The following SYTL2 variants were observed in gnomAD, a reference collection of about 807,000 sequenced individuals.
The protein encoded by SYTL2 is synaptotagmin-like protein 2.
A neutral mutation model predicts 198.7 loss-of-function variants in SYTL2; 165 were observed. The observed-to-expected ratio is 0.83, with a 90% CI of 0.73 to 0.94. The LOEUF (loss-of-function observed/expected upper bound fraction) is 0.94. Among genes scored for constraint, SYTL2 ranks in the 40% least tolerant of loss-of-function variants. The probability of loss-of-function intolerance (pLI) is 0.00; values close to 1 mark genes in which losing one functional copy is unlikely to be tolerated. For synonymous variants in SYTL2, 966 were observed against 917.7 expected (o/e 1.05, Z -0.95); for missense variants, 2,835 against 2,582.8 (o/e 1.10, Z -2.12).
chr11:85,698,228 A>G, intron 17 of SYTL2, 150 bp from the exon 18 acceptor site: 1 of 584,504 alleles, frequency 1.7e-6, no homozygotes, highest in South Asian at 2.3e-5. Flanking sequence ...ATACAGTCTT[A>G]ACTAAGTCTT....
chr11:85,833,001 AAAAAGAAAG>A, the SYTL2 span, among the ~76,000 whole-genome samples: 125 of 100,500 alleles, frequency 1.2e-3, 4 homozygotes, highest in East Asian at 3.4e-3. Flanking sequence ...GTCTCAAAAA[AAAAAGAAAG>A]AAAAGAAAGA....
chr11:85,784,436 T>C (rs1201738438), intron 1 of SYTL2, among the ~76,000 whole-genome samples: 2 of 151,894 alleles, frequency 1.3e-5, no homozygotes, highest in African/African-American at 4.8e-5. Context: ...ATAACAGAGA[T>C]GTGAAGAAAA....
chr11:85,703,978 A>G (rs1253912013), intron 16 of SYTL2, among the ~76,000 whole-genome samples: 2 of 152,136 alleles, frequency 1.3e-5, no homozygotes, highest in East Asian at 3.8e-4. Context: ...AAAAAATGGA[A>G]TAATAATCCC....
At chr11:85,806,391 T>C (rs771617329) in intron 1 of SYTL2, among the ~76,000 whole-genome samples, 8 of 152,194 alleles carry the variant, frequency 5.3e-5, no homozygotes, top group Non-Finnish European at 1.0e-4. Context: ...AGTGCCCAAA[T>C]GGGCACTAGG....
rs757993213 is a variant in SYTL2, at chr11:85,711,214, C to T, written c.5644G>A (p.Asp1882Asn). The change falls in exon 13 of 20, where the codon GAT becomes AAT. Residue 1882 changes from aspartate (D) to asparagine (N), a missense_variant. By Grantham distance (23) the Asp-to-Asn change is conservative. Coordinates refer to ENST00000359152, the MANE Select transcript of SYTL2 (RefSeq NM_206927.4). ...TGGTAACTGCTTTCTGATGCTGTAT[C>T]TGTTTCTCTGTCATCACTCTACAAA... Reference protein sequence around the residue: ...LQDESDDRETDTASESSYQLS... With the variant: ...LQDESDDRETNTASESSYQLS... The T allele has an allele frequency of 2.5e-6, 4 of 1,614,038 alleles. No homozygotes were observed. Among genetic ancestry groups the T allele is most frequent in the Non-Finnish European group, 3.4e-6 (4 of 1,179,930 alleles).
In SYTL2 at chr11:85,772,613, C is replaced by A. The variant is rs192527476; in HGVS notation, c.-389-14499G>T. 6.6e-5 allele frequency among the ~76,000 whole-genome samples: 10 copies of A among 152,338 alleles called. No individual in the cohort carries two copies. In the East Asian group the frequency reaches 1.7e-3, roughly 26 times the overall value. ...ATGAAGGCAGAATGACCAACCATATCTAAAACTCCATTTAACATTAGATAT... is the reference window on the plus strand; with the variant it reads ...ATGAAGGCAGAATGACCAACCATATATAAAACTCCATTTAACATTAGATAT... On this transcript the variant is annotated intron_variant, in intron 1 of 19. Transcript: ENST00000359152.
chr11:85,760,184 G>T (rs1056740992), intron 1 of SYTL2, among the ~76,000 whole-genome samples: 1 of 152,140 alleles, frequency 6.6e-6, no homozygotes, highest in Non-Finnish European at 1.5e-5. Flanking sequence ...CTGGGTTCCA[G>T]AAAGAGATAA....
rs777167369 is a variant in SYTL2 at position 85,756,295 on chromosome 11, G to A, written c.101+1330C>T. On this transcript the variant is annotated intron_variant, in intron 2 of 19. Coordinates refer to ENST00000359152, the MANE Select transcript of SYTL2 (RefSeq NM_206927.4). The stretch of plus-strand genomic sequence containing the variant: ...GCACAGCAGAGCCCCATCCAGGTGT[G>A]CATTGCAAGGGACCTTTGAGGAACA... 2.0e-4 allele frequency among the ~76,000 whole-genome samples: 31 copies of A among 152,314 alleles called. 1 individual carries two copies. Among genetic ancestry groups the A allele is most frequent in the Non-Finnish European group, 3.1e-4 (21 of 68,026 alleles).
At chr11:85,705,669 T>C (rs956345673) in intron 15 of SYTL2, among the ~76,000 whole-genome samples, 2 of 152,238 alleles carry the variant, frequency 1.3e-5, no homozygotes, top group African/African-American at 4.8e-5. Context: ...CATATAATCA[T>C]GGAAAGGACA....
At chr11:85,762,989 G>C (rs2092140384) in intron 1 of SYTL2, among the ~76,000 whole-genome samples, 1 of 152,126 alleles carries the variant, frequency 6.6e-6, no homozygotes, top group South Asian at 2.1e-4. Flanking sequence ...AGGGGATTGA[G>C]CTTCTATTTC....
chr11:85,790,853 T>C (rs967246169), intron 1 of SYTL2, among the ~76,000 whole-genome samples: 2 of 152,090 alleles, frequency 1.3e-5, no homozygotes, highest in Admixed American at 6.6e-5. Flanking sequence ...AACAAATGTG[T>C]ATCTTCCAAT....
rs762444207 is a variant in SYTL2 at position 85,725,238 on chromosome 11, A to C, written c.4120T>G (p.Leu1374Val). The change falls in exon 8 of 20, where the codon TTA becomes GTA. Residue 1374 changes from leucine to valine, a missense_variant. This residue lies in a region of SYTL2 where 2,645 missense variants were observed against 2,381.7 expected (regional missense o/e 1.11). Transcript: ENST00000359152. Reference protein sequence around the residue: ...RPVLNDVSAALQKLCGEVWLS... With the variant: ...RPVLNDVSAAVQKLCGEVWLS... ...CATACTTCTCCACACAGCTTCTGTAATGCAGCACTTACATCATTCAATACA... is the reference window on the plus strand; with the variant it reads ...CATACTTCTCCACACAGCTTCTGTACTGCAGCACTTACATCATTCAATACA... 2.5e-6 allele frequency: 4 copies of C among 1,614,052 alleles called. No individual in the cohort carries two copies. Among genetic ancestry groups the C allele is most frequent in the Non-Finnish European group, 3.4e-6 (4 of 1,180,018 alleles).
intron 2 of SYTL2, among the ~76,000 whole-genome samples, chr11:85,749,902 T>C (rs527812535): frequency 1.3e-5 from 2 of 152,300 alleles, no homozygotes; most frequent in East Asian, 3.9e-4. Context: ...CTTTGTTTAG[T>C]GTCTGGAAAA....
At chr11:85,795,978 G>A (rs1486662169) in intron 1 of SYTL2, among the ~76,000 whole-genome samples, 1 of 152,212 alleles carries the variant, frequency 6.6e-6, no homozygotes, top group Non-Finnish European at 1.5e-5. Flanking sequence ...AAAACTCTGA[G>A]TAGGCACCAG....
At chr11:85,778,780 C>G (rs1016601811) in intron 1 of SYTL2, among the ~76,000 whole-genome samples, 6 of 152,142 alleles carry the variant, frequency 3.9e-5, no homozygotes, top group African/African-American at 1.2e-4. Flanking sequence ...AGTTTGAGAC[C>G]AGCCTGGGCC....
At chr11:85,795,765 A>G (rs540490782) in intron 1 of SYTL2, among the ~76,000 whole-genome samples, 1 of 152,334 alleles carries the variant, frequency 6.6e-6, no homozygotes, top group Non-Finnish European at 1.5e-5. Context: ...AATATCTGCA[A>G]GAAAGGATGA....
chr11:85,704,898 T>C lies in SYTL2; in HGVS notation c.6149A>G (p.Lys2050Arg), dbSNP rs2084887717. The C allele has an allele frequency of 6.2e-7, 1 of 1,613,712 alleles. No individual in the cohort carries two copies. Among genetic ancestry groups the C allele is most frequent in the Admixed American group, 1.7e-5 (1 of 59,994 alleles). The part of the protein sequence containing the change: ...LDLETWDWDN[K>R]QNKQLRWYPL... ...GTACCATCTCAATTGTTTATTCTGT[T>C]TGTTATCCCAGTCCCATGTTTCCAA... Residue 2050 changes from lysine (K) to arginine (R), a missense_variant, in exon 16 of 20, where the codon AAA becomes AGA. This residue lies in a region of SYTL2 where 2,645 missense variants were observed against 2,381.7 expected (regional missense o/e 1.11). Coordinates refer to ENST00000359152, the MANE Select transcript of SYTL2 (RefSeq NM_206927.4).
chr11:85,711,033 G>GT (rs2086177376), intron 13 of SYTL2, 80 bp downstream of exon 13: 1 of 1,475,246 alleles, frequency 6.8e-7, no homozygotes, highest in Non-Finnish European at 9.2e-7. Flanking sequence ...GGAGGAGGCT[G>GT]TTTTACAATG....
chr11:85,846,298 T>G, the SYTL2 span, among the ~76,000 whole-genome samples: 2 of 152,118 alleles, frequency 1.3e-5, no homozygotes, highest in Non-Finnish European at 2.9e-5. Flanking sequence ...TAACACAGAG[T>G]CATTTCCATA....
Sources: gnomAD v4.1 joint callset for allele counts (sites outside exome capture counted in the v4.1 genomes callset) on GRCh38, gnomAD v4.1.1 for gene constraint, gnomAD v4.1.1 regional missense constraint, MANE v1.5 for transcripts, NCBI Gene and HGNC (gene_info 2026-07-23, HGNC 2026-07-21) for gene names.